The following DLG2 variants were observed in gnomAD, a reference collection of about 807,000 sequenced individuals.
DLG2 encodes the protein discs large MAGUK scaffold protein 2, also known as disks large homolog 2.
In DLG2, 45 loss-of-function variants were observed where a neutral mutation model predicts 132.5. That is an observed-to-expected ratio of 0.34 (90% CI 0.27 to 0.44). The LOEUF is 0.44. Ranked by LOEUF, DLG2 falls within the 20% of genes least tolerant of loss-of-function variation. The probability of loss-of-function intolerance (pLI) is 1.00; values close to 1 mark genes in which losing one functional copy is unlikely to be tolerated. For synonymous variants in DLG2, 424 were observed against 419.6 expected, an observed-to-expected ratio of 1.01 and a Z score of -0.13; for missense variants, 1,045 against 1,196.9, an observed-to-expected ratio of 0.87 and a Z score of 1.87.
chr11:84,943,160 G>A (rs1388955481), intron 6 of DLG2, among the ~76,000 whole-genome samples: 7 of 130,268 alleles, frequency 5.4e-5, no homozygotes, highest in African/African-American at 2.2e-4. Context: ...GGTCGTGTGT[G>A]TGTGTGCGTG....
chr11:85,024,033 A>T (rs1360436451), intron 6 of DLG2, among the ~76,000 whole-genome samples: 1 of 152,178 alleles, frequency 6.6e-6, no homozygotes, highest in African/African-American at 2.4e-5. Flanking sequence ...TCGTGAGGTG[A>T]CAAAATATGT....
At chr11:83,795,429 ATATC>A (rs2042564671) in intron 17 of DLG2, among the ~76,000 whole-genome samples, 1 of 113,098 alleles carries the variant, frequency 8.8e-6, no homozygotes, top group African/African-American at 3.5e-5. Context: ...ATCTATATCT[ATATC>A]TATATCTATA....
chr11:85,086,938 C>T (rs1380107545), intron 6 of DLG2, among the ~76,000 whole-genome samples: 1 of 152,124 alleles, frequency 6.6e-6, no homozygotes, highest in African/African-American at 2.4e-5. Context: ...AAGCTTAGTA[C>T]ATGTATATGT....
At position 84,549,786 on chromosome 11, in the gene DLG2, CT is replaced by C. The variant is rs367596524; in HGVS notation, c.358-15056del. On this transcript the variant is annotated intron_variant, in intron 6 of 27. Coordinates refer to ENST00000376104, the MANE Select transcript of DLG2 (RefSeq NM_001142699.3). ...TGTTTGTTTTTGAGATGGAGTCTCG[CT>C]CTGTCACCTAGGCTGGAGTGCAGTG... 3.3e-3 allele frequency among the ~76,000 whole-genome samples: 499 copies of C among 152,168 alleles called. 3 individuals carry two copies. Among genetic ancestry groups the C allele is most frequent in the African/African-American group, 0.011 (471 of 41,508 alleles).
Position 84,196,708 on chromosome 11 carries a change from T to C in DLG2, c.574-33197A>G, listed in dbSNP as rs540003315. On this transcript the variant is annotated intron_variant, in intron 8 of 27. Coordinates refer to ENST00000376104, the MANE Select transcript of DLG2 (RefSeq NM_001142699.3). ...TATTTCTATAATTTACATTTATTTA[T>C]GTTTATAGAGTGTTTCCTAAAGAAA... is the stretch of plus-strand genomic sequence containing the variant. Among the ~76,000 whole-genome samples the C allele has an allele frequency of 2.4e-3, 361 of 152,154 alleles. 2 individuals are homozygous for C. The highest frequency in any genetic ancestry group is 8.4e-3 in the African/African-American group (349 of 41,538).
chr11:84,288,629 T>C (rs970476799), intron 7 of DLG2, among the ~76,000 whole-genome samples: 1 of 152,112 alleles, frequency 6.6e-6, no homozygotes, highest in African/African-American at 2.4e-5. Flanking sequence ...CTAGGTCTAT[T>C]CACCCCCAAA....
chr11:83,726,062 T>G (rs2089939557), intron 18 of DLG2, among the ~76,000 whole-genome samples: 1 of 152,112 alleles, frequency 6.6e-6, no homozygotes, highest in Non-Finnish European at 1.5e-5. Context: ...TAGGAGTCAA[T>G]CAAGCTCACC....
chr11:85,393,774 G>T (rs2087024936), intron 3 of DLG2, among the ~76,000 whole-genome samples: 1 of 151,948 alleles, frequency 6.6e-6, no homozygotes, highest in African/African-American at 2.4e-5. Flanking sequence ...GATGGAACTG[G>T]AAACCATTAT....
At chr11:84,879,096 C>T (rs371668419) in intron 6 of DLG2, among the ~76,000 whole-genome samples, 11 of 152,174 alleles carry the variant, frequency 7.2e-5, no homozygotes, top group Middle Eastern at 3.4e-3. Flanking sequence ...CATTTGTGTT[C>T]CTTCAGGCTG....
chr11:84,206,581 C>T (rs771645547), intron 8 of DLG2, among the ~76,000 whole-genome samples: 6 of 152,044 alleles, frequency 3.9e-5, no homozygotes, highest in Non-Finnish European at 7.4e-5. Flanking sequence ...ACAAGGTGGG[C>T]TTAACATTTA....
chr11:83,563,199 G>C lies in DLG2; in HGVS notation c.1941-21341C>G, dbSNP rs541788140. On this transcript the variant is annotated intron_variant, in intron 19 of 27. Transcript: ENST00000376104. ...TCACCATGTTAGCCAGGATGGTCGCGATCTCCTGACCTCATGATCCGCCCG... is the reference window on the plus strand; with the variant it reads ...TCACCATGTTAGCCAGGATGGTCGCCATCTCCTGACCTCATGATCCGCCCG... 2.0e-5 allele frequency among the ~76,000 whole-genome samples: 3 copies of C among 151,916 alleles called. 1 individual carries two copies. The South Asian group carries it at 6.2e-4, about 32-fold the overall frequency.
At chr11:84,676,209 T>A (rs1166251028) in intron 6 of DLG2, among the ~76,000 whole-genome samples, 3 of 152,182 alleles carry the variant, frequency 2.0e-5, no homozygotes, top group Non-Finnish European at 2.9e-5. Flanking sequence ...AATTTGATGA[T>A]GGGTTGGCTG....
chr11:84,846,513 T>C (rs2081495142), intron 6 of DLG2, among the ~76,000 whole-genome samples: 1 of 152,140 alleles, frequency 6.6e-6, no homozygotes, highest in Non-Finnish European at 1.5e-5. Context: ...TGCTCTGTAA[T>C]AAACTACAAC....
chr11:83,891,412 AG>A (rs1467265230), intron 15 of DLG2, among the ~76,000 whole-genome samples: 7 of 152,226 alleles, frequency 4.6e-5, no homozygotes, highest in African/African-American at 1.4e-4. Context: ...AACATGAAAC[AG>A]GGAGTACTGC....
chr11:85,516,642 A>T (rs2094175526), intron 3 of DLG2, among the ~76,000 whole-genome samples: 1 of 152,088 alleles, frequency 6.6e-6, no homozygotes, highest in South Asian at 2.1e-4. Context: ...ACTACTATGA[A>T]CATCTCTACA....
chr11:84,280,746 G>T (rs951932681), intron 7 of DLG2, among the ~76,000 whole-genome samples: 7 of 151,636 alleles, frequency 4.6e-5, no homozygotes, highest in Non-Finnish European at 1.0e-4. Context: ...CGCCCAGGCT[G>T]GAGTGCAGTG....
chr11:83,511,190 G>T (rs150830296), intron 21 of DLG2, among the ~76,000 whole-genome samples: 1 of 151,552 alleles, frequency 6.6e-6, no homozygotes, highest in Non-Finnish European at 1.5e-5. Context: ...GTGATCACCG[G>T]GTGAGTCTGT....
intron 4 of DLG2, among the ~76,000 whole-genome samples, chr11:85,190,495 A>T (rs911524875): frequency 3.9e-5 from 6 of 152,304 alleles, no homozygotes; most frequent in African/African-American, 9.6e-5. Flanking sequence ...CTAGCAAAAG[A>T]AAAGCAAATA....
At chr11:83,752,304 A>T (rs1428070182) in intron 18 of DLG2, among the ~76,000 whole-genome samples, 2 of 151,916 alleles carry the variant, frequency 1.3e-5, no homozygotes, top group African/African-American at 4.8e-5. Context: ...AAGCCAAGGG[A>T]CACTCCAAAT....
Sources: gnomAD v4.1 joint callset for allele counts (sites outside exome capture counted in the v4.1 genomes callset) on GRCh38, gnomAD v4.1.1 for gene constraint, MANE v1.5 for transcripts, NCBI Gene and HGNC (gene_info 2026-07-23, HGNC 2026-07-21) for gene names.